BCL2: variants seen among roughly 807,000 people sequenced by gnomAD.
BCL2 encodes BCL2 apoptosis regulator, also known as apoptosis regulator Bcl-2.
A neutral mutation model predicts 14.2 loss-of-function variants in BCL2; 1 was observed. The observed-to-expected ratio is 0.07, with a 90% CI of 0.02 to 0.33. BCL2 has a LOEUF of 0.33. Among genes scored for constraint, BCL2 ranks in the 10% least tolerant of loss-of-function variants. BCL2 has a pLI of 0.99. For missense variants in BCL2, 247 were observed against 305.9 expected, an observed-to-expected ratio of 0.81 and a Z score of 1.44; for synonymous variants, 151 against 137.2, an observed-to-expected ratio of 1.10 and a Z score of -0.70.
intron 2 of BCL2, among the ~76,000 whole-genome samples, chr18:63,188,999 G>GTTT (rs36046351): frequency 4.6e-4 from 64 of 139,896 alleles, no homozygotes; most frequent in Non-Finnish European, 7.3e-4. Flanking sequence ...TTTTCCCCAA[G>GTTT]TTTTTTTTTT....
At chr18:63,169,554 G>A (rs1277578978) in intron 2 of BCL2, among the ~76,000 whole-genome samples, 2 of 120,830 alleles carry the variant, frequency 1.7e-5, no homozygotes, top group Non-Finnish European at 3.2e-5. Context: ...ATGGAGTCTC[G>A]CTCTGTCACC....
intron 2 of BCL2, among the ~76,000 whole-genome samples, chr18:63,194,221 G>A (rs1909377114): frequency 6.6e-6 from 1 of 152,218 alleles, no homozygotes; most frequent in Non-Finnish European, 1.5e-5. Context: ...GCCATTGAAT[G>A]AAATGAATGA....
At chr18:63,216,450 T>C (rs1910207175) in intron 2 of BCL2, among the ~76,000 whole-genome samples, 1 of 150,766 alleles carries the variant, frequency 6.6e-6, no homozygotes, top group South Asian at 2.1e-4. Flanking sequence ...GAAGAACTGC[T>C]AAGGCTCAGT....
intron 2 of BCL2, among the ~76,000 whole-genome samples, chr18:63,299,763 C>A (rs533104589): frequency 2.0e-5 from 3 of 152,126 alleles, no homozygotes; most frequent in South Asian, 4.2e-4. Flanking sequence ...GCATATGGTA[C>A]CCTTTCACAT....
chr18:63,130,689 T>G (rs185082912), intron 2 of BCL2, among the ~76,000 whole-genome samples: 70 of 152,344 alleles, frequency 4.6e-4, no homozygotes, highest in African/African-American at 1.6e-3. Flanking sequence ...TGTGCCATAC[T>G]TTAAAAAATT....
intron 2 of BCL2, among the ~76,000 whole-genome samples, chr18:63,280,002 C>T (rs1912263381): frequency 6.6e-6 from 1 of 152,188 alleles, no homozygotes; most frequent in Admixed American, 6.5e-5. Flanking sequence ...TGGGGGCTGG[C>T]AATGCCCTGT....
chr18:63,289,921 TA>T (rs1369543019), intron 2 of BCL2, among the ~76,000 whole-genome samples: 4 of 152,098 alleles, frequency 2.6e-5, no homozygotes, highest in African/African-American at 4.8e-5. Context: ...GGAAGAATTT[TA>T]ATTAAATCAT....
chr18:63,220,478 G>A (rs1181129241), intron 2 of BCL2, among the ~76,000 whole-genome samples: 5 of 152,110 alleles, frequency 3.3e-5, no homozygotes, highest in African/African-American at 1.2e-4. Flanking sequence ...GAGAAATGGG[G>A]CAGAATCCAG....
chr18:63,282,788 T>C (rs1342480569), intron 2 of BCL2, among the ~76,000 whole-genome samples: 1 of 152,156 alleles, frequency 6.6e-6, no homozygotes, highest in Non-Finnish European at 1.5e-5. Context: ...TAAATATATA[T>C]AGATATATAT....
intron 2 of BCL2, among the ~76,000 whole-genome samples, chr18:63,224,146 G>T (rs1439943915): frequency 6.6e-6 from 1 of 152,088 alleles, no homozygotes; most frequent in Non-Finnish European, 1.5e-5. Flanking sequence ...TAAAGAAATT[G>T]TACAAAAAGA....
At chr18:63,192,684 G>A (rs1401801533) in intron 2 of BCL2, among the ~76,000 whole-genome samples, 1 of 151,974 alleles carries the variant, frequency 6.6e-6, no homozygotes, top group African/African-American at 2.4e-5. Flanking sequence ...CACAGCACTT[G>A]CCATTGCATC....
chr18:63,182,523 CA>C (rs1183183436), intron 2 of BCL2, among the ~76,000 whole-genome samples: 4 of 152,198 alleles, frequency 2.6e-5, no homozygotes, highest in African/African-American at 9.7e-5. Context: ...TGTGGAAAAA[CA>C]TATGCTGCTC....
In BCL2 at chr18:63,148,332, C is replaced by T. The variant is rs144894056; in HGVS notation, c.586-19573G>A. Among the ~76,000 whole-genome samples the T allele has an allele frequency of 9.6e-3, 1,463 of 151,690 alleles. 28 individuals are homozygous for T. Among genetic ancestry groups the T allele is most frequent in the African/African-American group, 0.034 (1,399 of 41,294 alleles). On this transcript the variant is annotated intron_variant, in intron 2 of 2. Transcript: ENST00000333681. ...CCAGGAAAAAAGTGTCAGTGATATG[C>T]GAGTCATAATAAAAGAAAATCAAAA...
At chr18:63,132,261 A>T (rs962261100) in intron 2 of BCL2, among the ~76,000 whole-genome samples, 1 of 152,218 alleles carries the variant, frequency 6.6e-6, no homozygotes, top group African/African-American at 2.4e-5. Context: ...TATTGTGAAG[A>T]TTAACGTAGG....
At chr18:63,251,059 C>T (rs1309193694) in intron 2 of BCL2, among the ~76,000 whole-genome samples, 2 of 151,844 alleles carry the variant, frequency 1.3e-5, no homozygotes, top group African/African-American at 4.8e-5. Context: ...AGAAAGAAAC[C>T]CCATATTTAA....
intron 2 of BCL2, among the ~76,000 whole-genome samples, chr18:63,169,727 G>A (rs1204623159): frequency 6.6e-6 from 1 of 151,896 alleles, no homozygotes; most frequent in Admixed American, 6.6e-5. Flanking sequence ...GTTTCACCAT[G>A]TTGGCCAGGC....
At chr18:63,154,350 G>T (rs968798001) in intron 2 of BCL2, among the ~76,000 whole-genome samples, 1 of 152,144 alleles carries the variant, frequency 6.6e-6, no homozygotes, top group African/African-American at 2.4e-5. Flanking sequence ...CCCTCATCTT[G>T]CCCCATTCAG....
At chr18:63,207,270 C>A (rs1369365211) in intron 2 of BCL2, among the ~76,000 whole-genome samples, 2 of 152,134 alleles carry the variant, frequency 1.3e-5, no homozygotes, top group African/African-American at 2.4e-5. Context: ...CGATGGGCAC[C>A]GGCTCATCTA....
intron 2 of BCL2, among the ~76,000 whole-genome samples, chr18:63,278,496 T>C (rs919863931): frequency 2.0e-5 from 3 of 152,208 alleles, no homozygotes; most frequent in Non-Finnish European, 4.4e-5. Context: ...CACCCCTAAC[T>C]CTTGATATCT....
Sources: allele counts gnomAD v4.1 joint callset (sites outside exome capture counted in the v4.1 genomes callset), GRCh38; gene constraint gnomAD v4.1.1; transcripts MANE v1.5; gene names NCBI Gene and HGNC (gene_info 2026-07-23, HGNC 2026-07-21).